HEATR3: variants seen among roughly 807,000 people sequenced by gnomAD.
The protein encoded by HEATR3 is HEAT repeat containing 3.
In HEATR3, 56 loss-of-function variants were observed where a neutral mutation model predicts 72.8. The ratio of observed to expected loss-of-function variants is 0.77; its 90% CI spans 0.62 to 0.96. The LOEUF (loss-of-function observed/expected upper bound fraction) is 0.96, where lower values mean the gene tolerates loss of function less well. Ranked by LOEUF, HEATR3 falls within the 40% of genes least tolerant of loss-of-function variation. The pLI is 0.00. For missense variants in HEATR3, 747 were observed against 831.4 expected (o/e 0.90, Z 1.25); for synonymous variants, 331 against 318.1 (o/e 1.04, Z -0.43).
At chr16:50,100,689 A>G (rs900785725) in intron 13 of HEATR3, 2 of 327,104 alleles carry the variant, frequency 6.1e-6, no homozygotes, top group African/African-American at 4.4e-5. Flanking sequence ...TTGCTGTTGC[A>G]TCCAATGTAT....
chr16:50,067,396 G>T (rs1311110614), intron 2 of HEATR3, among the ~76,000 whole-genome samples: 1 of 152,052 alleles, frequency 6.6e-6, no homozygotes, highest in Non-Finnish European at 1.5e-5. Flanking sequence ...TGTGAAAGGA[G>T]ATGTGCAGGG....
intron 4 of HEATR3, 86 bp downstream of exon 4, chr16:50,070,376 C>T (rs1002881010): frequency 5.5e-6 from 3 of 541,416 alleles, no homozygotes; most frequent in Non-Finnish European, 9.7e-6. Flanking sequence ...TCTCTGTTCC[C>T]CTTGGTAGGC....
intron 12 of HEATR3, among the ~76,000 whole-genome samples, chr16:50,098,905 C>T (rs963588528): frequency 6.6e-6 from 1 of 151,968 alleles, no homozygotes; most frequent in African/African-American, 2.4e-5. Flanking sequence ...ATCAAAATAA[C>T]AATGCTCTTG....
Position 50,066,276 on chromosome 16 carries a change from C to G in HEATR3, c.138+7C>G. On this transcript the variant is annotated splice_region_variant and intron_variant, in intron 1 of 14. Coordinates refer to ENST00000299192, the MANE Select transcript of HEATR3 (RefSeq NM_182922.4). Reference sequence around the variant, plus strand: ...GGCGGAGCTGCTGGAAAAGGTGAGGCGAGGGCTCCGTCGGGCCGGGAGGCG... The same window carrying G: ...GGCGGAGCTGCTGGAAAAGGTGAGGGGAGGGCTCCGTCGGGCCGGGAGGCG... 6.4e-7 allele frequency: 1 copy of G among 1,572,010 alleles called. No homozygotes were observed. The highest frequency in any genetic ancestry group is 8.6e-7 in the Non-Finnish European group (1 of 1,163,176).
Position 50,066,242 on chromosome 16 carries a change from C to A in HEATR3, c.111C>A (p.Asp37Glu), listed in dbSNP as rs545312431. The change falls in exon 1 of 15, where the codon GAC becomes GAA. Residue 37 changes from aspartate (D) to glutamate (E), a missense_variant. Physicochemically the swap from Asp to Glu is conservative, Grantham distance 45 (BLOSUM62 2). This residue lies in a region of HEATR3 where 161 missense variants were observed against 122.6 expected (regional missense o/e 1.31). Transcript: ENST00000299192. ...AANGTGGEED[D>E]GPAAELLEKL... Reference sequence around the variant, plus strand: ...ATGGGACCGGAGGCGAGGAGGACGACGGGCCGGCGGCGGAGCTGCTGGAAA... The same window carrying A: ...ATGGGACCGGAGGCGAGGAGGACGAAGGGCCGGCGGCGGAGCTGCTGGAAA... 342 of 1,564,780 alleles carry A rather than the reference C, an allele frequency of 2.2e-4. 2 individuals are homozygous for A. In the South Asian group the frequency reaches 3.9e-3, roughly 18 times the overall value.
At position 50,083,812 on chromosome 16, in the gene HEATR3, CCCATT is replaced by C. The variant is rs1467308338; in HGVS notation, c.1042-122_1042-118del. On this transcript the variant is annotated intron_variant, in intron 7 of 14. Transcript: ENST00000299192. ...ACTTCATGACTTTTCTTTTACCTAC[CCCATT>C]CCCCGTGTGCTCTATTCCAAGCGCA... The C allele has an allele frequency of 4.2e-6, 3 of 715,882 alleles. No homozygotes were observed. In the African/African-American group the frequency reaches 5.4e-5, roughly 13 times the overall value. 44.3% of individuals were successfully genotyped at this position (715,882 alleles called of 1,614,324 possible). A position where few individuals can be genotyped will look rare whatever the true frequency, so the allele number is the denominator to read the frequency against.
At chr16:50,082,931 C>T (rs184106348) in intron 7 of HEATR3, among the ~76,000 whole-genome samples, 10 of 152,216 alleles carry the variant, frequency 6.6e-5, no homozygotes, top group African/African-American at 2.4e-4. Context: ...GCTGGGATTA[C>T]AGGCATGCAC....
chr16:50,094,275 CAG>C (rs1439752743), intron 11 of HEATR3, among the ~76,000 whole-genome samples: 1 of 152,180 alleles, frequency 6.6e-6, no homozygotes, highest in Non-Finnish European at 1.5e-5. Context: ...GCACAAGCAA[CAG>C]TGTGTGGCTA....
At chr16:50,084,539 C>T in intron 9 of HEATR3, 30 bp from the exon 10 acceptor site, 1 of 1,486,998 alleles carries the variant, frequency 6.7e-7, no homozygotes, top group Non-Finnish European at 9.4e-7. Flanking sequence ...TACTCTTTAA[C>T]CTTTGCTTTA....
At chr16:50,071,326 A>G (rs922679334) in intron 4 of HEATR3, among the ~76,000 whole-genome samples, 2 of 152,378 alleles carry the variant, frequency 1.3e-5, no homozygotes, top group Middle Eastern at 3.4e-3. Flanking sequence ...CTACGTGGCA[A>G]TCTGACCTTG....
chr16:50,100,622 A>G, intron 13 of HEATR3: 1 of 448,662 alleles, frequency 2.2e-6, no homozygotes, highest in Non-Finnish European at 3.9e-6. Flanking sequence ...TTTTAAAAAA[A>G]TAAATCTGTC....
chr16:50,092,436 C>CTTTTTTCTTTTTTTTT (rs55971965), intron 11 of HEATR3, among the ~76,000 whole-genome samples: 6 of 106,026 alleles, frequency 5.7e-5, no homozygotes, highest in Non-Finnish European at 8.9e-5. Context: ...TTTCTTTTTT[C>CTTTTTTCTTTTTTTTT]TTTTTTTTTT....
At chr16:50,081,475 A>C (rs1306315660) in intron 7 of HEATR3, among the ~76,000 whole-genome samples, 1 of 152,086 alleles carries the variant, frequency 6.6e-6, no homozygotes, top group Non-Finnish European at 1.5e-5. Context: ...AAATAGAAAT[A>C]AAGTCTTCCT....
intron 12 of HEATR3, among the ~76,000 whole-genome samples, chr16:50,095,182 C>T (rs968931542): frequency 6.6e-5 from 10 of 151,480 alleles, no homozygotes; most frequent in Middle Eastern, 3.4e-3. Context: ...GGCATGATCT[C>T]AGCTCACTGC....
Position 50,107,141 on chromosome 16 carries a change from C to T in HEATR3, c.*2080C>T, listed in dbSNP as rs2037502862. 6.6e-6 allele frequency among the ~76,000 whole-genome samples: 1 copy of T among 152,144 alleles called. No individual in the cohort carries two copies. Among genetic ancestry groups the T allele is most frequent in the African/African-American group, 2.4e-5 (1 of 41,436 alleles). ...ATTATTTTCAAGGAGAAAAAAGTTC[C>T]TCATTCTGTTTATTCTTCCCCACAG... is the stretch of plus-strand genomic sequence containing the variant. On this transcript the variant is annotated 3_prime_UTR_variant, in exon 15 of 15. Coordinates refer to ENST00000299192, the MANE Select transcript of HEATR3 (RefSeq NM_182922.4).
rs371743934 is a variant in HEATR3 at position 50,075,587 on chromosome 16, A to G, written c.639A>G (p.Thr213=). 42 of 1,613,084 alleles carry G rather than the reference A, an allele frequency of 2.6e-5. No homozygotes were observed. The highest frequency in any genetic ancestry group is 6.7e-5 in the African/African-American group (5 of 74,936). The change falls in exon 6 of 15, where the codon ACA becomes ACG. Residue 213 remains threonine (T), a synonymous_variant. Transcript: ENST00000299192. ...GCCTCGTAGCATATTGTTTGCAGAC[A>G]GTGACTGAGGATAACCCAGAGCTGC... ...LAISVAYCLQ[T]VTEDNPELLK...
At chr16:50,076,527 T>C (rs1272532564) in intron 6 of HEATR3, among the ~76,000 whole-genome samples, 1 of 151,928 alleles carries the variant, frequency 6.6e-6, no homozygotes, top group Non-Finnish European at 1.5e-5. Context: ...CACATGAAAT[T>C]TACCGTCTTA....
intron 6 of HEATR3, among the ~76,000 whole-genome samples, chr16:50,076,377 G>A (rs1352132513): frequency 6.6e-6 from 1 of 151,740 alleles, no homozygotes; most frequent in African/African-American, 2.4e-5. Context: ...TGGTAGAGAC[G>A]GGGTTTTACC....
At chr16:50,087,157 AGCGTGTGTATGCGGGCATGCGT>A (rs2037006042) in intron 11 of HEATR3, among the ~76,000 whole-genome samples, 2 of 152,122 alleles carry the variant, frequency 1.3e-5, no homozygotes, top group South Asian at 4.1e-4. Flanking sequence ...TGTATAAGAG[AGCGTGTGTATGCGGGCATGCGT>A]GCGTGTGTGT....
Sources: gnomAD v4.1 joint callset for allele counts (sites outside exome capture counted in the v4.1 genomes callset) on GRCh38, gnomAD v4.1.1 for gene constraint, gnomAD v4.1.1 regional missense constraint, MANE v1.5 for transcripts, NCBI Gene and HGNC (gene_info 2026-07-23, HGNC 2026-07-21) for gene names.